NBAS: variants seen among roughly 807,000 people sequenced by gnomAD.
The protein encoded by NBAS is NAG/BC035112 fusion.
NBAS carries 219 observed loss-of-function variants against 302.5 expected under a neutral mutation model. The observed-to-expected ratio is 0.72, with a 90% CI of 0.65 to 0.81. The LOEUF (loss-of-function observed/expected upper bound fraction) is 0.81, where lower values mean the gene tolerates loss of function less well. Among genes scored for constraint, NBAS ranks in the 30% least tolerant of loss-of-function variants. NBAS has a pLI of 0.00. For synonymous variants in NBAS, 1,118 were observed against 1,021.6 expected (o/e 1.09, Z -1.80); for missense variants, 2,932 against 2,841.6 (o/e 1.03, Z -0.72).
chr2:15,278,816 T>C (rs1043895602), intron 42 of NBAS, among the ~76,000 whole-genome samples: 1 of 152,138 alleles, frequency 6.6e-6, no homozygotes, highest in Non-Finnish European at 1.5e-5. Context: ...CTGCAGAAGA[T>C]GTAGAAATCA....
the NBAS span, among the ~76,000 whole-genome samples, chr2:14,961,502 G>A: frequency 6.6e-6 from 1 of 152,042 alleles, no homozygotes; most frequent in African/African-American, 2.4e-5. Flanking sequence ...CTTCTGCCAT[G>A]AGTGGAAGCA....
intron 35 of NBAS, among the ~76,000 whole-genome samples, chr2:15,337,477 T>TA (rs935948823): frequency 6.6e-5 from 10 of 151,200 alleles, no homozygotes; most frequent in Middle Eastern, 3.2e-3. Context: ...AAAATAAAAA[T>TA]AAAAAAAAGA....
the NBAS span, among the ~76,000 whole-genome samples, chr2:15,092,747 A>C: frequency 2.6e-5 from 4 of 152,082 alleles, no homozygotes; most frequent in Non-Finnish European, 5.9e-5. Flanking sequence ...AGGATAATTG[A>C]CTCTATATGA....
chr2:14,835,795 C>T, the NBAS span, among the ~76,000 whole-genome samples: 7 of 151,926 alleles, frequency 4.6e-5, no homozygotes, highest in Non-Finnish European at 1.0e-4. Context: ...TCACATTTAT[C>T]ATCTAACAGA....
At chr2:14,961,782 T>C in the NBAS span, among the ~76,000 whole-genome samples, 1 of 152,112 alleles carries the variant, frequency 6.6e-6, no homozygotes, top group African/African-American at 2.4e-5. Context: ...CCATAACCCT[T>C]CTCTATGATT....
intron 15 of NBAS, among the ~76,000 whole-genome samples, 195 bp from the exon 16 acceptor site, chr2:15,473,542 A>G (rs1269061027): frequency 1.3e-5 from 2 of 152,230 alleles, no homozygotes; most frequent in African/African-American, 2.4e-5. Context: ...ACTTCAACAG[A>G]AAGATGAGAG....
intron 21 of NBAS, 87 bp downstream of exon 21, chr2:15,461,114 A>AT (rs1030240048): frequency 3.2e-5 from 39 of 1,209,864 alleles, no homozygotes; most frequent in Admixed American, 4.3e-5. Flanking sequence ...CATTAAAATT[A>AT]TTTTTTTTAA....
chr2:14,804,019 T>A, the NBAS span, among the ~76,000 whole-genome samples: 1 of 152,226 alleles, frequency 6.6e-6, no homozygotes, highest in African/African-American at 2.4e-5. Context: ...TTGATCAAAG[T>A]ACACAAATTT....
At chr2:14,909,915 T>C in the NBAS span, among the ~76,000 whole-genome samples, 1 of 152,208 alleles carries the variant, frequency 6.6e-6, no homozygotes, top group Admixed American at 6.5e-5. Flanking sequence ...GGTTAACTTA[T>C]TCCAAAATTG....
At chr2:15,306,271 A>C (rs1671030808) in intron 40 of NBAS, among the ~76,000 whole-genome samples, 1 of 152,274 alleles carries the variant, frequency 6.6e-6, no homozygotes, top group Non-Finnish European at 1.5e-5. Context: ...ATCTGTATAA[A>C]GCAGCAGTAG....
At chr2:15,195,493 G>C (rs1371635453) in intron 48 of NBAS, among the ~76,000 whole-genome samples, 5 of 152,168 alleles carry the variant, frequency 3.3e-5, no homozygotes, top group Admixed American at 3.3e-4. Flanking sequence ...AGGGATCCTT[G>C]TGTTGTTGGA....
At chr2:15,490,366 T>TA (rs879597948) in intron 11 of NBAS, among the ~76,000 whole-genome samples, 1 of 152,104 alleles carries the variant, frequency 6.6e-6, no homozygotes, top group Non-Finnish European at 1.5e-5. Flanking sequence ...TAACTAGATA[T>TA]AACAGGTTAA....
the NBAS span, among the ~76,000 whole-genome samples, chr2:15,040,016 T>G: frequency 1.3e-5 from 2 of 152,138 alleles, no homozygotes; most frequent in Non-Finnish European, 2.9e-5. Flanking sequence ...CCAGAGAGAA[T>G]GACAGCTCAG....
At chr2:15,200,498 C>T (rs969523419) in intron 48 of NBAS, among the ~76,000 whole-genome samples, 28 of 152,066 alleles carry the variant, frequency 1.8e-4, no homozygotes, top group African/African-American at 6.8e-4. Context: ...ACATCCCCAC[C>T]CCTTCCACAG....
At chr2:15,353,298 A>G (rs958304715) in intron 34 of NBAS, among the ~76,000 whole-genome samples, 5 of 152,168 alleles carry the variant, frequency 3.3e-5, no homozygotes, top group Admixed American at 3.3e-4. Context: ...ATTATTTTCA[A>G]TAATTTCTTT....
intron 10 of NBAS, among the ~76,000 whole-genome samples, chr2:15,506,754 T>G (rs1320915304): frequency 6.6e-6 from 1 of 151,664 alleles, no homozygotes; most frequent in Non-Finnish European, 1.5e-5. Flanking sequence ...TAGACACCAA[T>G]GTACAAATAT....
intron 44 of NBAS, among the ~76,000 whole-genome samples, chr2:15,270,271 TC>T: frequency 6.6e-6 from 1 of 152,286 alleles, no homozygotes; most frequent in East Asian, 1.9e-4. Context: ...TTCAAGTGAT[TC>T]TCCTGCCTCA....
chr2:15,173,988 G>C (rs1364702750), intron 51 of NBAS, among the ~76,000 whole-genome samples: 1 of 152,184 alleles, frequency 6.6e-6, no homozygotes, highest in African/African-American at 2.4e-5. Flanking sequence ...ATGCATGCTT[G>C]ATATGTCTGT....
chr2:15,242,128 C>T (rs1054369975), intron 44 of NBAS, among the ~76,000 whole-genome samples: 8 of 152,178 alleles, frequency 5.3e-5, no homozygotes, highest in Admixed American at 4.6e-4. Context: ...TAAACTGTCT[C>T]GTCAGCATTA....
Sources: allele counts gnomAD v4.1 joint callset (sites outside exome capture counted in the v4.1 genomes callset), GRCh38; gene constraint gnomAD v4.1.1; transcripts MANE v1.5; gene names NCBI Gene and HGNC (gene_info 2026-07-23, HGNC 2026-07-21).